Variants in FAT3 observed in about 807,000 individuals in gnomAD.
FAT3 encodes protocadherin Fat 3.
Under a neutral mutation model 310.2 loss-of-function variants are expected in FAT3, and 95 were observed. That is an observed-to-expected ratio of 0.31 (90% CI 0.26 to 0.36). FAT3 has a LOEUF of 0.36. Ranked by LOEUF, FAT3 falls within the 10% of genes least tolerant of loss-of-function variation. The pLI is 1.00. For synonymous variants in FAT3, 2,314 were observed against 2,192.9 expected, an observed-to-expected ratio of 1.06 and a Z score of -1.54; for missense variants, 5,408 against 5,715.6, an observed-to-expected ratio of 0.95 and a Z score of 1.74.
At chr11:92,569,125 A>G (rs1014998266) in intron 3 of FAT3, among the ~76,000 whole-genome samples, 2 of 152,096 alleles carry the variant, frequency 1.3e-5, no homozygotes, top group Non-Finnish European at 2.9e-5. Context: ...GCTTCTCATG[A>G]CTTCAGCATA....
chr11:92,482,867 G>T (rs549086256), intron 2 of FAT3, among the ~76,000 whole-genome samples: 1 of 152,162 alleles, frequency 6.6e-6, no homozygotes, highest in Non-Finnish European at 1.5e-5. Context: ...TTCCTTCTAG[G>T]TTTCTGGGAT....
At chr11:92,659,750 G>C (rs1014278386) in intron 3 of FAT3, among the ~76,000 whole-genome samples, 2 of 152,178 alleles carry the variant, frequency 1.3e-5, no homozygotes, top group South Asian at 4.1e-4. Flanking sequence ...TGAGTTATGA[G>C]TGCTGATTGT....
chr11:92,546,897 G>A (rs1954633991), intron 3 of FAT3, among the ~76,000 whole-genome samples: 1 of 152,080 alleles, frequency 6.6e-6, no homozygotes, highest in Non-Finnish European at 1.5e-5. Context: ...GTGAGGCTAG[G>A]GGTTATATCT....
At chr11:92,359,586 G>C (rs1045505884) in intron 2 of FAT3, among the ~76,000 whole-genome samples, 2 of 148,698 alleles carry the variant, frequency 1.3e-5, no homozygotes, top group Non-Finnish European at 3.0e-5. Flanking sequence ...CCACTAACTC[G>C]TCATCTAGCC....
intron 2 of FAT3, among the ~76,000 whole-genome samples, chr11:92,381,382 A>G (rs983779037): frequency 3.3e-5 from 5 of 152,112 alleles, no homozygotes; most frequent in African/African-American, 1.2e-4. Context: ...GTATGGTGGC[A>G]TATACCTGTA....
chr11:92,225,374 C>G (rs1217276500), intron 1 of FAT3, among the ~76,000 whole-genome samples, 200 bp downstream of exon 1: 1 of 152,132 alleles, frequency 6.6e-6, no homozygotes, highest in Non-Finnish European at 1.5e-5. Flanking sequence ...CCGTTGCTAC[C>G]GCTGCAAACA....
At chr11:92,667,783 C>T (rs1284975242) in intron 3 of FAT3, among the ~76,000 whole-genome samples, 3 of 152,224 alleles carry the variant, frequency 2.0e-5, no homozygotes, top group Non-Finnish European at 2.9e-5. Flanking sequence ...GCCACTTTCA[C>T]TCACTCCTTT....
chr11:92,291,111 A>ACACACG (rs1946679401), intron 1 of FAT3, among the ~76,000 whole-genome samples: 1 of 151,424 alleles, frequency 6.6e-6, no homozygotes, highest in African/African-American at 2.4e-5. Context: ...ACACACACAC[A>ACACACG]CACACATGCA....
Position 92,355,209 on chromosome 11 carries a change from G to A in FAT3, c.3097G>A (p.Asp1033Asn). ...TTCCTTTGTTGAGGTGGAAGTGGTG[G>A]ATGTCAATGAAAACCTCCACACTCC... ...SVSFVEVEVV[D>N]VNENLHTPYF... is the part of the protein sequence containing the mutation. Residue 1033 changes from aspartate (D) to asparagine (N), a missense_variant, in exon 2 of 28, where the codon GAT becomes AAT. Transcript: ENST00000525166. The A allele has an allele frequency of 6.2e-7, 1 of 1,613,800 alleles. No homozygotes were observed. The highest frequency in any genetic ancestry group is 8.5e-7 in the Non-Finnish European group (1 of 1,179,848).
At chr11:92,758,366 G>T (rs572370313) in intron 4 of FAT3, among the ~76,000 whole-genome samples, 9 of 152,190 alleles carry the variant, frequency 5.9e-5, no homozygotes, top group Non-Finnish European at 1.2e-4. Context: ...AGGAGGCAGG[G>T]AATGGCTTTA....
intron 3 of FAT3, among the ~76,000 whole-genome samples, chr11:92,667,488 C>G (rs1216396755): frequency 6.6e-6 from 1 of 152,140 alleles, no homozygotes; most frequent in African/African-American, 2.4e-5. Context: ...TGAACATGGG[C>G]CAATTTCCTT....
chr11:92,883,164 C>T lies in FAT3; in HGVS notation c.12708C>T (p.Ala4236=), dbSNP rs2136414929. Residue 4236 remains alanine, a synonymous_variant, in exon 24 of 28, where the codon GCC becomes GCT. Coordinates refer to ENST00000525166, the MANE Select transcript of FAT3 (RefSeq NM_001367949.2). The surrounding 1 kb of genome is among the most constrained non-coding windows in gnomAD (Gnocchi z 4.2). The stretch of plus-strand genomic sequence containing the variant: ...CGCAGGTCCCCGTGCGCCCCATGGC[C>T]TACACACCCTGCTTCCAGAGTGACT... ...GPPQVPVRPM[A]YTPCFQSDSR... is the part of the protein sequence containing the mutation. The T allele has an allele frequency of 1.9e-6, 3 of 1,613,576 alleles. No individual in the cohort carries two copies. The highest frequency in any genetic ancestry group is 2.5e-6 in the Non-Finnish European group (3 of 1,179,836).
intron 1 of FAT3, among the ~76,000 whole-genome samples, chr11:92,262,770 A>T (rs975225769): frequency 6.6e-6 from 1 of 152,158 alleles, no homozygotes; most frequent in Non-Finnish European, 1.5e-5. Flanking sequence ...AAACATTCTC[A>T]GAATACGGGA....
intron 20 of FAT3, among the ~76,000 whole-genome samples, chr11:92,857,912 A>G (rs1949022873): frequency 6.6e-6 from 1 of 152,224 alleles, no homozygotes; most frequent in South Asian, 2.1e-4. Context: ...AGTTATTTTA[A>G]TCTAAATGAT....
intron 2 of FAT3, among the ~76,000 whole-genome samples, chr11:92,472,671 C>G (rs1951939648): frequency 6.6e-6 from 1 of 152,194 alleles, no homozygotes; most frequent in Admixed American, 6.5e-5. Flanking sequence ...TACATAAAAA[C>G]TGAACTACTA....
intron 3 of FAT3, among the ~76,000 whole-genome samples, chr11:92,581,782 A>C (rs1240351468): frequency 6.6e-6 from 1 of 152,058 alleles, no homozygotes; most frequent in Non-Finnish European, 1.5e-5. Flanking sequence ...GGCATGATGT[A>C]AAATGCTGTA....
intron 3 of FAT3, among the ~76,000 whole-genome samples, chr11:92,647,518 G>T (rs1942209704): frequency 6.6e-6 from 1 of 152,120 alleles, no homozygotes; most frequent in South Asian, 2.1e-4. Flanking sequence ...GCACTTTTCT[G>T]CAGAAGTTAA....
chr11:92,419,123 C>G (rs1233635234), intron 2 of FAT3, among the ~76,000 whole-genome samples: 2 of 152,116 alleles, frequency 1.3e-5, no homozygotes, highest in South Asian at 2.1e-4. Flanking sequence ...TCTCCTACCC[C>G]CAATTCATAT....
intron 3 of FAT3, among the ~76,000 whole-genome samples, chr11:92,623,678 T>C (rs1413918961): frequency 6.6e-6 from 1 of 152,244 alleles, no homozygotes; most frequent in Non-Finnish European, 1.5e-5. Flanking sequence ...GCATGGTGTC[T>C]CATACCTGTA....
Sources: allele counts gnomAD v4.1 joint callset (sites outside exome capture counted in the v4.1 genomes callset), GRCh38; gene constraint gnomAD v4.1.1; non-coding constraint Gnocchi (gnomAD v3.1); transcripts MANE v1.5; gene names NCBI Gene and HGNC (gene_info 2026-07-23, HGNC 2026-07-21).